Variants in PIM1 observed in about 807,000 individuals in gnomAD.
PIM1 encodes Pim-1 proto-oncogene, serine/threonine kinase.
Under a neutral mutation model 34.5 loss-of-function variants are expected in PIM1, and 9 were observed. That is an observed-to-expected ratio of 0.26 (90% CI 0.16 to 0.46). The LOEUF (loss-of-function observed/expected upper bound fraction) is 0.46, where lower values mean the gene tolerates loss of function less well. Among genes scored for constraint, PIM1 ranks in the 20% least tolerant of loss-of-function variants. PIM1 has a pLI of 1.00. For synonymous variants in PIM1, 199 were observed against 175.2 expected, an observed-to-expected ratio of 1.14 and a Z score of -1.07; for missense variants, 274 against 410.9, an observed-to-expected ratio of 0.67 and a Z score of 2.88.
intron 4 of PIM1, among the ~76,000 whole-genome samples, 156 bp downstream of exon 4, chr6:37,171,647 G>A (rs917338860): frequency 1.3e-5 from 2 of 152,256 alleles, no homozygotes; most frequent in African/African-American, 4.8e-5. Flanking sequence ...GCCTCCCAGC[G>A]TAGTAAAGCC....
At chr6:37,172,949 T>C in intron 4 of PIM1, 47 bp from the exon 5 acceptor site, 1 of 1,557,398 alleles carries the variant, frequency 6.4e-7, no homozygotes, top group South Asian at 1.1e-5. Flanking sequence ...TCTTTGTGCT[T>C]GTTTTTGCTA....
At chr6:37,170,918 G>C (rs373459188) in intron 2 of PIM1, 39 bp downstream of exon 2, 1 of 1,612,206 alleles carries the variant, frequency 6.2e-7, no homozygotes, top group Non-Finnish European at 8.5e-7. Context: ...CGCGCCGGGC[G>C]GGGGGCGCAC....
chr6:37,173,802 C>G, intron 5 of PIM1, 132 bp from the exon 6 acceptor site: 1 of 697,390 alleles, frequency 1.4e-6, no homozygotes, highest in Non-Finnish European at 2.4e-6. Flanking sequence ...GTACCCAGCA[C>G]AGTGTTCTAG....
In PIM1 at chr6:37,174,724, T is replaced by C. The variant is rs1473665575; in HGVS notation, c.*633T>C. 4.3e-6 allele frequency: 1 copy of C among 233,758 alleles called. No homozygotes were observed. The highest frequency in any genetic ancestry group is 8.5e-6 in the Non-Finnish European group (1 of 118,094). 14.5% of individuals were successfully genotyped at this position (233,758 alleles called of 1,614,324 possible). A position where few individuals can be genotyped will look rare whatever the true frequency, so the allele number is the denominator to read the frequency against. On this transcript the variant is annotated 3_prime_UTR_variant, in exon 6 of 6. Transcript: ENST00000373509. ...AAACGCTGAGCCACCTGCCCTTTTT[T>C]CTGCCTCCTTTAGTAAAACTCCGAG...
chr6:37,170,326 G>A lies in PIM1; in HGVS notation c.-250G>A, dbSNP rs1197152293. 2.0e-6 allele frequency: 3 copies of A among 1,475,756 alleles called. No homozygotes were observed. In the African/African-American group the frequency reaches 4.4e-5, roughly 22 times the overall value. 91.4% of individuals were successfully genotyped at this position (1,475,756 alleles called of 1,614,324 possible). On this transcript the variant is annotated 5_prime_UTR_variant, in exon 1 of 6. Transcript: ENST00000373509. ...CGCTGCCGCACGAGCCCCACGAGCC[G>A]CTCACCCCGCCGTTCTCAGCGCTGC... is the stretch of plus-strand genomic sequence containing the variant.
In PIM1 at chr6:37,170,759, TCCCCCTTTCC is replaced by T; in HGVS notation, c.83-13_83-4del. The T allele has an allele frequency of 6.2e-7, 1 of 1,611,328 alleles. No individual in the cohort carries two copies. Among genetic ancestry groups the T allele is most frequent in the Non-Finnish European group, 8.5e-7 (1 of 1,179,272 alleles). ...CGGGCCGGCACTGAGTCCCCGTGCT[TCCCCCTTTCC>T]TAGGCAAGGAGAAGGAGCCCCTGGA... On this transcript the variant is annotated splice_region_variant and splice_polypyrimidine_tract_variant and intron_variant, in intron 1 of 5. Coordinates refer to ENST00000373509, the MANE Select transcript of PIM1 (RefSeq NM_002648.4).
intron 4 of PIM1, 53 bp downstream of exon 4, chr6:37,171,544 A>G (rs1762286352): frequency 1.3e-6 from 2 of 1,577,632 alleles, no homozygotes; most frequent in Non-Finnish European, 1.7e-6. Flanking sequence ...GGCCCGGCCC[A>G]GTCCGGAGGC....
chr6:37,174,896 A>G lies in PIM1; in HGVS notation c.*805A>G, dbSNP rs1762379329. The G allele has an allele frequency of 4.3e-6, 1 of 233,626 alleles. No homozygotes were observed. The highest frequency in any genetic ancestry group is 1.8e-4 in the South Asian group (1 of 5,538). The allele number at this position is 233,626 out of a possible 1,614,324, so 14.5% of individuals were successfully genotyped here. A position where few individuals can be genotyped will look rare whatever the true frequency, so the allele number is the denominator to read the frequency against. ...GTAGTATACAAAAAGATTGTAGTGGATCTAATTTTTAAGAAATTTTGCCTT... is the reference window on the plus strand; with the variant it reads ...GTAGTATACAAAAAGATTGTAGTGGGTCTAATTTTTAAGAAATTTTGCCTT... On this transcript the variant is annotated 3_prime_UTR_variant, in exon 6 of 6. Coordinates refer to ENST00000373509, the MANE Select transcript of PIM1 (RefSeq NM_002648.4).
rs1409534952 is a variant in PIM1, at chr6:37,170,256, AG to A, written c.-319del. On this transcript the variant is annotated 5_prime_UTR_variant, in exon 1 of 6. Transcript: ENST00000373509. ...CGGCGGCGGCGGGACCGGCAGCAGCAGCAGCAGCAGCAGCAGCAGCAACCAC... is the reference window on the plus strand; with the variant it reads ...CGGCGGCGGCGGGACCGGCAGCAGCACAGCAGCAGCAGCAGCAGCAACCAC... 14 of 1,290,084 alleles carry A rather than the reference AG, an allele frequency of 1.1e-5. No homozygotes were observed. The African/African-American group carries it at 1.9e-4, about 17-fold the overall frequency. 79.9% of individuals were successfully genotyped at this position (1,290,084 alleles called of 1,614,324 possible).
rs1762282345 is a variant in PIM1, at chr6:37,171,322, C to G, written c.438C>G (p.Ser146Arg). 4.3e-6 allele frequency: 7 copies of G among 1,614,078 alleles called. No individual in the cohort carries two copies. The highest frequency in any genetic ancestry group is 1.1e-5 in the South Asian group (1 of 91,088). ...CCCTGCAAGAGGAGCTGGCCCGCAG[C>G]TTCTTCTGGCAGGTGCTGGAGGCCG... is the stretch of plus-strand genomic sequence containing the variant. ...RGALQEELAR[S>R]FFWQVLEAVR... The change falls in exon 4 of 6, where the codon AGC (serine) becomes AGG (arginine). Residue 146 changes from serine to arginine, a missense_variant. Physicochemically the swap from Ser to Arg is moderately radical, Grantham distance 110 (BLOSUM62 -1). Coordinates refer to ENST00000373509, the MANE Select transcript of PIM1 (RefSeq NM_002648.4).
In PIM1 at chr6:37,170,444, C is replaced by G. The variant is rs262936; in HGVS notation, c.-132C>G. 0.29 allele frequency: 449,583 copies of G among 1,542,606 alleles called. 67,157 individuals carry two copies. Among genetic ancestry groups the G allele is most frequent in the African/African-American group, 0.39 (28,774 of 72,902 alleles). ...CTCGGCCTTCCGCGCCAGCCGCAGC[C>G]ACAGCCGCAACGCCACCCGCAGCCA... On this transcript the variant is annotated 5_prime_UTR_variant, in exon 1 of 6. Coordinates refer to ENST00000373509, the MANE Select transcript of PIM1 (RefSeq NM_002648.4).
chr6:37,174,126 G>A lies in PIM1; in HGVS notation c.*35G>A. ...TGGCAGGTCCTCCCCTCTCTTGTCAGATGCCCGAGGGAGGGGAAGCTTCTG... is the reference window on the plus strand; with the variant it reads ...TGGCAGGTCCTCCCCTCTCTTGTCAAATGCCCGAGGGAGGGGAAGCTTCTG... On this transcript the variant is annotated 3_prime_UTR_variant, in exon 6 of 6. Transcript: ENST00000373509. 1.3e-6 allele frequency: 2 copies of A among 1,589,710 alleles called. No homozygotes were observed. Among genetic ancestry groups the A allele is most frequent in the Non-Finnish European group, 1.7e-6 (2 of 1,167,964 alleles).
In PIM1 at chr6:37,171,419, C is replaced by G; in HGVS notation, c.535C>G (p.Arg179Gly). The G allele has an allele frequency of 6.2e-7, 1 of 1,613,988 alleles. No homozygotes were observed. The change falls in exon 4 of 6, where the codon CGC (arginine) becomes GGC (glycine). Residue 179 changes from arginine to glycine, a missense_variant. Transcript: ENST00000373509. ...CGAAAACATCCTTATCGACCTCAAT[C>G]GCGGCGAGCTCAAGCTCATCGACTT... ...KDENILIDLN[R>G]GELKLIDFGS...
In PIM1 at chr6:37,170,842, C is replaced by T. The variant is rs551680157; in HGVS notation, c.152C>T (p.Ser51Leu). 3.1e-6 allele frequency: 5 copies of T among 1,612,872 alleles called. No homozygotes were observed. The highest frequency in any genetic ancestry group is 1.7e-5 in the Admixed American group (1 of 60,012). The part of the protein sequence containing the change: ...GPLLGSGGFG[S>L]VYSGIRVSDN... ...CTACTGGGCAGCGGCGGCTTCGGCTCGGTCTACTCAGGCATCCGCGTCTCC... is the reference window on the plus strand; with the variant it reads ...CTACTGGGCAGCGGCGGCTTCGGCTTGGTCTACTCAGGCATCCGCGTCTCC... The change falls in exon 2 of 6, where the codon TCG (serine) becomes TTG (leucine). Residue 51 changes from serine (S) to leucine (L), a missense_variant. Coordinates refer to ENST00000373509, the MANE Select transcript of PIM1 (RefSeq NM_002648.4).
In PIM1 at chr6:37,174,124, C is replaced by G; in HGVS notation, c.*33C>G. On this transcript the variant is annotated 3_prime_UTR_variant, in exon 6 of 6. Transcript: ENST00000373509. ...TCTGGCAGGTCCTCCCCTCTCTTGT[C>G]AGATGCCCGAGGGAGGGGAAGCTTC... 6.3e-7 allele frequency: 1 copy of G among 1,592,102 alleles called. No homozygotes were observed. Among genetic ancestry groups the G allele is most frequent in the Non-Finnish European group, 8.6e-7 (1 of 1,169,466 alleles).
chr6:37,170,173 C>T lies in PIM1; in HGVS notation c.-403C>T. ...CTTTACTCCTGGCTGCGGGGCGAGC[C>T]GGGCGTCTGCTGCAGCGGCCGCGGT... On this transcript the variant is annotated 5_prime_UTR_variant, in exon 1 of 6. Coordinates refer to ENST00000373509, the MANE Select transcript of PIM1 (RefSeq NM_002648.4). The T allele has an allele frequency of 5.9e-6, 6 of 1,013,440 alleles. No individual in the cohort carries two copies. The highest frequency in any genetic ancestry group is 7.4e-6 in the Non-Finnish European group (6 of 808,488). The allele number at this position is 1,013,440 out of a possible 1,614,324, so 62.8% of individuals were successfully genotyped here.
Position 37,170,197 on chromosome 6 carries a change from G to C in PIM1, c.-379G>C. On this transcript the variant is annotated 5_prime_UTR_variant, in exon 1 of 6. Coordinates refer to ENST00000373509, the MANE Select transcript of PIM1 (RefSeq NM_002648.4). Reference sequence around the variant, plus strand: ...CCGGGCGTCTGCTGCAGCGGCCGCGGTGGCTGAGGAGGCCCGAGAGGAGTC... The same window carrying C: ...CCGGGCGTCTGCTGCAGCGGCCGCGCTGGCTGAGGAGGCCCGAGAGGAGTC... The C allele has an allele frequency of 1.7e-6, 2 of 1,167,900 alleles. No homozygotes were observed. The highest frequency in any genetic ancestry group is 2.1e-6 in the Non-Finnish European group (2 of 937,166). 72.3% of individuals were successfully genotyped at this position (1,167,900 alleles called of 1,614,324 possible).
rs750555644 is a variant in PIM1 at position 37,170,995 on chromosome 6, C to T, written c.204C>T (p.His68=). Residue 68 remains histidine (H), a synonymous_variant, in exon 3 of 6, where the codon CAC becomes CAT. Coordinates refer to ENST00000373509, the MANE Select transcript of PIM1 (RefSeq NM_002648.4). ...VSDNLPVAIK[H]VEKDRISDWG... is the part of the protein sequence containing the mutation. Reference sequence around the variant, plus strand: ...TGGGCTTCCAGGTGGCCATCAAACACGTGGAGAAGGACCGGATTTCCGACT... The same window carrying T: ...TGGGCTTCCAGGTGGCCATCAAACATGTGGAGAAGGACCGGATTTCCGACT... The T allele has an allele frequency of 1.2e-5, 19 of 1,613,944 alleles. No homozygotes were observed. The East Asian group carries it at 2.9e-4, about 25-fold the overall frequency.
chr6:37,174,319 A>T lies in PIM1; in HGVS notation c.*228A>T. The T allele has an allele frequency of 8.5e-6, 2 of 235,202 alleles. No homozygotes were observed. Among genetic ancestry groups the T allele is most frequent in the Non-Finnish European group, 7.7e-6 (1 of 130,300 alleles). 14.6% of individuals were successfully genotyped at this position (235,202 alleles called of 1,614,324 possible). A position where few individuals can be genotyped will look rare whatever the true frequency, so the allele number is the denominator to read the frequency against. On this transcript the variant is annotated 3_prime_UTR_variant, in exon 6 of 6. Coordinates refer to ENST00000373509, the MANE Select transcript of PIM1 (RefSeq NM_002648.4). ...CTAGGCCTCAACTCCTCCCATAGAT[A>T]CTCTCTTCTTCTCATAGGTGTCCAG... is the stretch of plus-strand genomic sequence containing the variant.
Sources: allele counts gnomAD v4.1 joint callset (sites outside exome capture counted in the v4.1 genomes callset), GRCh38; gene constraint gnomAD v4.1.1; transcripts MANE v1.5; gene names NCBI Gene and HGNC (gene_info 2026-07-23, HGNC 2026-07-21).